Variants in TRPV4 observed in about 807,000 individuals in gnomAD.
TRPV4 encodes the protein OSM9-like transient receptor potential channel 4.
A neutral mutation model predicts 84.1 loss-of-function variants in TRPV4; 58 were observed. The ratio of observed to expected loss-of-function variants is 0.69; its 90% CI spans 0.56 to 0.86. The LOEUF (loss-of-function observed/expected upper bound fraction) is 0.86, where lower values mean the gene tolerates loss of function less well. Among genes scored for constraint, TRPV4 ranks in the 40% least tolerant of loss-of-function variants. The pLI is 0.00. For missense variants in TRPV4, 879 were observed against 1,181.1 expected (o/e 0.74, Z 3.75); for synonymous variants, 489 against 500.9 (o/e 0.98, Z 0.32).
chr12:109,823,826 C>T (rs541708676), intron 1 of TRPV4, among the ~76,000 whole-genome samples: 9 of 152,292 alleles, frequency 5.9e-5, no homozygotes, highest in African/African-American at 1.9e-4. Context: ...AATGACCCTT[C>T]CAGGCTTAGT....
intron 14 of TRPV4, 28 bp from the exon 15 acceptor site, chr12:109,784,465 G>A (rs1435458058): frequency 2.5e-6 from 4 of 1,613,910 alleles, no homozygotes; most frequent in Middle Eastern, 1.6e-4. Context: ...GAGGGTCATG[G>A]GGAACCCCTC....
intron 1 of TRPV4, among the ~76,000 whole-genome samples, chr12:109,830,865 C>T (rs141878034): frequency 6.6e-6 from 1 of 152,302 alleles, no homozygotes; most frequent in Non-Finnish European, 1.5e-5. Flanking sequence ...TGACTGAGCA[C>T]CTACTATGTG....
At chr12:109,794,854 C>T (rs1890293741) in intron 7 of TRPV4, among the ~76,000 whole-genome samples, 1 of 152,146 alleles carries the variant, frequency 6.6e-6, no homozygotes, top group Non-Finnish European at 1.5e-5. Flanking sequence ...CCTGTCTCCA[C>T]TAAAAACACA....
At position 109,783,544 on chromosome 12, in the gene TRPV4, A is replaced by C; in HGVS notation, c.*77T>G. The C allele has an allele frequency of 1.3e-6, 2 of 1,541,578 alleles. No individual in the cohort carries two copies. Among genetic ancestry groups the C allele is most frequent in the Non-Finnish European group, 1.8e-6 (2 of 1,137,412 alleles). ...TGGGGCCAAAGCAGGGTGTGGGGGG[A>C]CACCCCAGAAGGCACTGCTGAAATG... On this transcript the variant is annotated 3_prime_UTR_variant, in exon 16 of 16. Transcript: ENST00000261740. This position sits in a 1 kb window ranked among gnomAD's most constrained non-coding sequence, Gnocchi z 4.6.
chr12:109,807,349 C>T (rs530133268), intron 3 of TRPV4, among the ~76,000 whole-genome samples: 3 of 151,340 alleles, frequency 2.0e-5, no homozygotes, highest in Non-Finnish European at 4.4e-5. Context: ...CAACCATGGT[C>T]CGCCTTCCAA....
At chr12:109,794,293 C>T (rs776951228) in intron 8 of TRPV4, 36 bp downstream of exon 8, 1 of 1,608,122 alleles carries the variant, frequency 6.2e-7, no homozygotes, top group Admixed American at 1.7e-5. Context: ...CAGCCCAGTG[C>T]CTGCCCCAGC....
intron 2 of TRPV4, among the ~76,000 whole-genome samples, chr12:109,812,731 A>G (rs569386483): frequency 6.6e-6 from 1 of 152,354 alleles, no homozygotes; most frequent in South Asian, 2.1e-4. Context: ...TGAATGATGA[A>G]TAGTTTGATA....
intron 5 of TRPV4, among the ~76,000 whole-genome samples, chr12:109,800,100 G>GC (rs896247694): frequency 1.2e-4 from 18 of 152,050 alleles, no homozygotes; most frequent in Admixed American, 1.0e-3. Flanking sequence ...CCACCACCAT[G>GC]CCCGGCTAAT....
intron 1 of TRPV4, among the ~76,000 whole-genome samples, chr12:109,822,750 G>A (rs769702980): frequency 1.3e-5 from 2 of 152,122 alleles, no homozygotes; most frequent in African/African-American, 4.8e-5. Context: ...CCCATGCCTC[G>A]GTTTCCTCAC....
chr12:109,833,090 C>G (rs1892458953), intron 1 of TRPV4, among the ~76,000 whole-genome samples: 2 of 152,154 alleles, frequency 1.3e-5, no homozygotes, highest in South Asian at 4.1e-4. Context: ...CGCCCTCCCC[C>G]CAGACCTGCT....
intron 14 of TRPV4, among the ~76,000 whole-genome samples, chr12:109,785,669 T>G (rs952773027): frequency 1.3e-5 from 2 of 150,772 alleles, no homozygotes; most frequent in African/African-American, 4.9e-5. Context: ...TCCACCCACC[T>G]TGGCCTCCCA....
At chr12:109,802,130 C>CTTT (rs35214010) in intron 4 of TRPV4, among the ~76,000 whole-genome samples, 2,899 of 134,280 alleles carry the variant, frequency 0.022, 61 homozygotes, top group African/African-American at 0.05. Flanking sequence ...ATCTTGGAAT[C>CTTT]TTTTTTTTTT....
Position 109,793,505 on chromosome 12 carries a change from CGGCCCAG to C in TRPV4, c.1658+15_1658+21del. The C allele has an allele frequency of 6.2e-7, 1 of 1,607,602 alleles. No homozygotes were observed. Among genetic ancestry groups the C allele is most frequent in the South Asian group, 1.1e-5 (1 of 90,934 alleles). ...CCCACCTTCCTCACCCAGAAGCTGCCGGCCCAGGGACCTCTACTCACTAGAGCAGCTG... is the reference window on the plus strand; with the variant it reads ...CCCACCTTCCTCACCCAGAAGCTGCCGGACCTCTACTCACTAGAGCAGCTG... On this transcript the variant is annotated intron_variant, in intron 10 of 15. Transcript: ENST00000261740. The surrounding 1 kb of genome is among the most constrained non-coding windows in gnomAD (Gnocchi z 4.0).
At chr12:109,794,590 CTT>C (rs1037953437) in intron 7 of TRPV4, 103 bp from the exon 8 acceptor site, 6 of 1,243,332 alleles carry the variant, frequency 4.8e-6, no homozygotes, top group Non-Finnish European at 7.0e-6. Context: ...CCGGACAGCG[CTT>C]TCTCTTTCCA....
Position 109,786,731 on chromosome 12 carries a change from GGA to G in TRPV4, c.2313_2314del (p.Pro772Ter). Reference sequence around the variant, plus strand: ...TCACCTGAAGCACCACCTGCGGTCAGGAGTGCCGTCCGAGCTCTTGCCCACGG... The same window carrying G: ...TCACCTGAAGCACCACCTGCGGTCAGGTGCCGTCCGAGCTCTTGCCCACGG... On this transcript the variant is annotated frameshift_variant, in exon 14 of 16. Transcript: ENST00000261740. LOFTEE classifies it high-confidence loss of function. This position sits in a 1 kb window ranked among gnomAD's most constrained non-coding sequence, Gnocchi z 4.5. 6.2e-7 allele frequency: 1 copy of G among 1,613,882 alleles called. No individual in the cohort carries two copies. The highest frequency in any genetic ancestry group is 8.5e-7 in the Non-Finnish European group (1 of 1,180,014).
intron 1 of TRPV4, among the ~76,000 whole-genome samples, chr12:109,830,999 C>A (rs1469863407): frequency 1.3e-5 from 2 of 152,152 alleles, no homozygotes; most frequent in African/African-American, 4.8e-5. Context: ...GTCTGAGCTC[C>A]TCCAATCTTT....
In TRPV4 at chr12:109,783,428, G is replaced by C. The variant is rs1000270022; in HGVS notation, c.*193C>G. 11 of 671,146 alleles carry C rather than the reference G, an allele frequency of 1.6e-5. No homozygotes were observed. Among genetic ancestry groups the C allele is most frequent in the Non-Finnish European group, 2.4e-5 (10 of 408,866 alleles). The allele number at this position is 671,146 out of a possible 1,614,324, so 41.6% of individuals were successfully genotyped here. ...TGACTCCATAGGAGCAAGACAGGTG[G>C]CCGGGAGCCCCCACCCCAGGGTGGG... On this transcript the variant is annotated 3_prime_UTR_variant, in exon 16 of 16. Transcript: ENST00000261740. The surrounding 1 kb of genome is among the most constrained non-coding windows in gnomAD (Gnocchi z 4.6).
At chr12:109,789,794 G>A (rs1436547431) in intron 12 of TRPV4, among the ~76,000 whole-genome samples, 1 of 152,220 alleles carries the variant, frequency 6.6e-6, no homozygotes, top group Non-Finnish European at 1.5e-5. Flanking sequence ...ACACTGTGTT[G>A]AGAAGGATTC....
At chr12:109,803,606 T>G (rs1218697968) in intron 3 of TRPV4, among the ~76,000 whole-genome samples, 1 of 150,986 alleles carries the variant, frequency 6.6e-6, no homozygotes, top group East Asian at 1.9e-4. Context: ...GGTGTGCACC[T>G]CCATGCTCAA....
Sources: gnomAD v4.1 joint callset for allele counts (sites outside exome capture counted in the v4.1 genomes callset) on GRCh38, gnomAD v4.1.1 for gene constraint, Gnocchi (gnomAD v3.1) non-coding constraint, MANE v1.5 for transcripts, NCBI Gene and HGNC (gene_info 2026-07-23, HGNC 2026-07-21) for gene names.